Variants in PTPRM observed in about 807,000 individuals in gnomAD.
The protein encoded by PTPRM is receptor-type tyrosine-protein phosphatase mu.
PTPRM carries 47 observed loss-of-function variants against 186.7 expected under a neutral mutation model. The ratio of observed to expected loss-of-function variants is 0.25; its 90% CI spans 0.20 to 0.32. PTPRM has a LOEUF of 0.32. Among genes scored for constraint, PTPRM ranks in the 10% least tolerant of loss-of-function variants. The pLI is 1.00. For missense variants in PTPRM, 1,494 were observed against 1,865.0 expected, an observed-to-expected ratio of 0.80 and a Z score of 3.66; for synonymous variants, 668 against 674.9, an observed-to-expected ratio of 0.99 and a Z score of 0.16.
chr18:7,915,407 G>A (rs1232126504), intron 4 of PTPRM, among the ~76,000 whole-genome samples: 1 of 152,036 alleles, frequency 6.6e-6, no homozygotes, highest in African/African-American at 2.4e-5. Context: ...TGTTCTAAAG[G>A]TGGTATACAC....
chr18:7,828,259 TTTA>T (rs1008025900), intron 2 of PTPRM, among the ~76,000 whole-genome samples: 6 of 151,732 alleles, frequency 4.0e-5, no homozygotes, highest in African/African-American at 1.2e-4. Context: ...ATTTTTTAAT[TTTA>T]TTATTATTAT....
At chr18:7,927,442 T>G (rs773079914) in intron 5 of PTPRM, among the ~76,000 whole-genome samples, 1 of 151,572 alleles carries the variant, frequency 6.6e-6, no homozygotes, top group Non-Finnish European at 1.5e-5. Flanking sequence ...GTTGATTTTT[T>G]GTCCTTATCT....
chr18:7,820,752 C>T (rs917001498), intron 2 of PTPRM, among the ~76,000 whole-genome samples: 6 of 152,196 alleles, frequency 3.9e-5, no homozygotes, highest in African/African-American at 1.2e-4. Flanking sequence ...GAAAGCACCA[C>T]GGTGGCCTCG....
Position 8,179,172 on chromosome 18 carries a change from G to A in PTPRM, c.2300+35393G>A, listed in dbSNP as rs539535628. Among the ~76,000 whole-genome samples, 5 of 152,382 alleles carry A rather than the reference G, an allele frequency of 3.3e-5. No homozygotes were observed. The East Asian group carries it at 9.6e-4, about 29-fold the overall frequency. On this transcript the variant is annotated intron_variant, in intron 14 of 32. Coordinates refer to ENST00000580170, the MANE Select transcript of PTPRM (RefSeq NM_001105244.2). ...TCTCCAATTGTGTCCTGCTGCGAAA[G>A]AAGTCAGATTATTACTGCACTTATG...
At chr18:7,738,227 C>T (rs888068881) in intron 1 of PTPRM, among the ~76,000 whole-genome samples, 6 of 152,104 alleles carry the variant, frequency 3.9e-5, no homozygotes, top group Non-Finnish European at 5.9e-5. Flanking sequence ...TTTTTGCCAA[C>T]GAGAAGTAAG....
Position 8,247,905 on chromosome 18 carries a change from A to T in PTPRM, c.2513A>T (p.Asn838Ile), listed in dbSNP as rs201797214. ...KTNTLSTSVP[N>I]SYYPDPFVPT... is the part of the protein sequence containing the mutation. ...AATACACTGAGCACATCGGTGCCTA[A>T]TTCCTATTACCCAGGTAACAGTTTT... Residue 838 changes from asparagine (N) to isoleucine (I), a missense_variant, in exon 16 of 33, where the codon AAT (asparagine) becomes ATT (isoleucine). Physicochemically the swap from Asn to Ile is moderately radical, Grantham distance 149 (BLOSUM62 -3). Coordinates refer to ENST00000580170, the MANE Select transcript of PTPRM (RefSeq NM_001105244.2). The T allele has an allele frequency of 3.8e-6, 6 of 1,596,472 alleles. No individual in the cohort carries two copies. The highest frequency in any genetic ancestry group is 1.3e-5 in the African/African-American group (1 of 74,622).
At chr18:7,777,742 T>C (rs2042659981) in intron 2 of PTPRM, among the ~76,000 whole-genome samples, 1 of 152,200 alleles carries the variant, frequency 6.6e-6, no homozygotes. Context: ...TGATTAGAGA[T>C]TTCCTCTATC....
intron 1 of PTPRM, 60 bp from the exon 2 acceptor site, chr18:7,774,089 A>G: frequency 2.6e-6 from 4 of 1,518,888 alleles, no homozygotes; most frequent in Middle Eastern, 3.5e-4. Flanking sequence ...TGCAATCATC[A>G]TAGCTTATTC....
chr18:7,985,702 A>G (rs962780541), intron 7 of PTPRM, among the ~76,000 whole-genome samples: 10 of 151,440 alleles, frequency 6.6e-5, no homozygotes, highest in African/African-American at 2.4e-4. Flanking sequence ...ATGTTTTGAT[A>G]CAGGCATGCA....
chr18:7,886,919 C>T lies in PTPRM; in HGVS notation c.197-1187C>T, dbSNP rs545268671. On this transcript the variant is annotated intron_variant, in intron 2 of 32. Coordinates refer to ENST00000580170, the MANE Select transcript of PTPRM (RefSeq NM_001105244.2). Reference sequence around the variant, plus strand: ...ATAAAAAAGTGGTCTTCTTGTTTTGCTGTTTAGGCAATCACAGCATGTAAA... The same window carrying T: ...ATAAAAAAGTGGTCTTCTTGTTTTGTTGTTTAGGCAATCACAGCATGTAAA... Among the ~76,000 whole-genome samples the T allele has an allele frequency of 2.6e-5, 4 of 152,256 alleles. No homozygotes were observed. The East Asian group carries it at 7.7e-4, about 29-fold the overall frequency.
At chr18:8,360,497 G>A (rs1472229214) in intron 23 of PTPRM, among the ~76,000 whole-genome samples, 2 of 152,194 alleles carry the variant, frequency 1.3e-5, no homozygotes, top group African/African-American at 4.8e-5. Context: ...ACGTGCATTT[G>A]GGTAACATTA....
At chr18:7,600,566 CA>C (rs2037375713) in intron 1 of PTPRM, among the ~76,000 whole-genome samples, 1 of 152,236 alleles carries the variant, frequency 6.6e-6, no homozygotes, top group African/African-American at 2.4e-5. Context: ...TTCAGTAACT[CA>C]AAAGTCCATG....
rs539502736 is a variant in PTPRM, at chr18:8,214,369, C to A, written c.2301-29689C>A. Among the ~76,000 whole-genome samples the A allele has an allele frequency of 1.3e-3, 196 of 152,224 alleles. 1 individual carries two copies. Among genetic ancestry groups the A allele is most frequent in the African/African-American group, 4.6e-3 (189 of 41,514 alleles). On this transcript the variant is annotated intron_variant, in intron 14 of 32. Transcript: ENST00000580170. ...TGTTGTATCTATAGCAACATAGTGA[C>A]AATATTAGGTAGCAATTTCTGAACC...
intron 7 of PTPRM, among the ~76,000 whole-genome samples, chr18:7,975,060 A>G (rs552062534): frequency 1.2e-4 from 18 of 152,358 alleles, no homozygotes; most frequent in Admixed American, 1.2e-3. Context: ...ATGAAGATGC[A>G]TCCTTGCACC....
rs80129976 is a variant in PTPRM at position 8,165,200 on chromosome 18, T to G, written c.2300+21421T>G. On this transcript the variant is annotated intron_variant, in intron 14 of 32. Transcript: ENST00000580170. ...AAAAAAAAAGAAAGAAAGAAAGAAA[T>G]GTTCTAATACTGGTAGAGTGATTTA... is the stretch of plus-strand genomic sequence containing the variant. 8.7e-3 allele frequency among the ~76,000 whole-genome samples: 1,314 copies of G among 150,212 alleles called. 16 individuals carry two copies. The highest frequency in any genetic ancestry group is 0.023 in the African/African-American group (950 of 40,862).
Position 8,113,515 on chromosome 18 carries a change from G to A in PTPRM, c.1886G>A (p.Arg629His), listed in dbSNP as rs762039398. 4.7e-5 allele frequency: 76 copies of A among 1,613,268 alleles called. No individual in the cohort carries two copies. The South Asian group carries it at 5.5e-4, about 12-fold the overall frequency. ...TATCAAATAGTTGTTGAGGAAGAAC[G>A]TCCTCGAAGAACTAAAAAGACGACA... Reference protein sequence around the residue: ...SVYQIVVEEERPRRTKKTTEI... With the variant: ...SVYQIVVEEEHPRRTKKTTEI... The change falls in exon 12 of 33, where the codon CGT (arginine) becomes CAT (histidine). Residue 629 changes from arginine to histidine, a missense_variant. Coordinates refer to ENST00000580170, the MANE Select transcript of PTPRM (RefSeq NM_001105244.2).
chr18:8,082,208 C>T (rs892095800), intron 9 of PTPRM, among the ~76,000 whole-genome samples: 6 of 152,122 alleles, frequency 3.9e-5, no homozygotes, highest in Non-Finnish European at 5.9e-5. Flanking sequence ...AGTCACTCCT[C>T]AGAAAGAAGA....
At chr18:7,991,240 A>G (rs1007559356) in intron 7 of PTPRM, among the ~76,000 whole-genome samples, 3 of 152,316 alleles carry the variant, frequency 2.0e-5, no homozygotes, top group African/African-American at 4.8e-5. Flanking sequence ...TGCTAAAGTG[A>G]GAAATAATGC....
At position 7,926,656 on chromosome 18, in the gene PTPRM, C is replaced by T. The variant is rs199561940; in HGVS notation, c.636C>T (p.Thr212=). The T allele has an allele frequency of 1.3e-5, 21 of 1,612,890 alleles. No individual in the cohort carries two copies. The highest frequency in any genetic ancestry group is 6.7e-5 in the East Asian group (3 of 44,818). Residue 212 remains threonine (T), a synonymous_variant, in exon 5 of 33, where the codon ACC becomes ACT. Transcript: ENST00000580170. ...ATFQCSAIGR[T]VAGDRLWLQG... is the part of the protein sequence containing the mutation. Reference sequence around the variant, plus strand: ...TCCAGTGCAGTGCCATCGGCAGGACCGTGGCAGGAGACAGGCTCTGGTTAC... The same window carrying T: ...TCCAGTGCAGTGCCATCGGCAGGACTGTGGCAGGAGACAGGCTCTGGTTAC...
Sources: allele counts gnomAD v4.1 joint callset (sites outside exome capture counted in the v4.1 genomes callset), GRCh38; gene constraint gnomAD v4.1.1; transcripts MANE v1.5; gene names NCBI Gene and HGNC (gene_info 2026-07-23, HGNC 2026-07-21).